ANKRD31: variants seen among roughly 807,000 people sequenced by gnomAD.
The protein encoded by ANKRD31 is ankyrin repeat domain 31, also known as ankyrin repeat domain-containing protein 31.
In ANKRD31, 147 loss-of-function variants were observed where a neutral mutation model predicts 186.0. The observed-to-expected ratio is 0.79, with a 90% confidence interval of 0.69 to 0.91. The LOEUF (loss-of-function observed/expected upper bound fraction) is 0.91, where lower values mean the gene tolerates loss of function less well. Among genes scored for constraint, ANKRD31 ranks in the 40% least tolerant of loss-of-function variants. ANKRD31 has a pLI of 0.00. For missense variants in ANKRD31, 1,986 were observed against 2,148.8 expected (o/e 0.92, Z 1.50); for synonymous variants, 673 against 736.4 (o/e 0.91, Z 1.39).
At chr5:75,231,906 A>AACACACAC (rs56755264) in intron 1 of ANKRD31, among the ~76,000 whole-genome samples, 2,239 of 144,672 alleles carry the variant, frequency 0.015, 27 homozygotes, top group Middle Eastern at 0.028. Flanking sequence ...ACTGTCTCAA[A>AACACACAC]ACACACACAC....
intron 10 of ANKRD31, among the ~76,000 whole-genome samples, chr5:75,184,214 C>T (rs1194379449): frequency 1.3e-5 from 2 of 152,040 alleles, no homozygotes; most frequent in East Asian, 1.9e-4. Context: ...AAGAATAAAA[C>T]TGGATCCTTA....
rs148920306 is a variant in ANKRD31 at position 75,131,390 on chromosome 5, G to A, written c.3876+6466C>T. On this transcript the variant is annotated intron_variant, in intron 17 of 25. Coordinates refer to ENST00000506364, the MANE Select transcript of ANKRD31 (RefSeq NM_001372053.1). The stretch of plus-strand genomic sequence containing the variant: ...CTGTGCATGGGTCAGAGGGTCCCAC[G>A]CCCACAGAGCCTCACTCACTGCTAG... Among the ~76,000 whole-genome samples, 763 of 152,278 alleles carry A rather than the reference G, an allele frequency of 5.0e-3. 18 individuals carry two copies. Among genetic ancestry groups the A allele is most frequent in the Admixed American group, 0.045 (686 of 15,300 alleles).
At position 75,225,247 on chromosome 5, in the gene ANKRD31, C is replaced by T. The variant is rs117927548; in HGVS notation, c.179-2889G>A. On this transcript the variant is annotated intron_variant, in intron 2 of 25. Transcript: ENST00000506364. ...CATATTTTGTAATAGTATTGAAAAA[C>T]ATTAAGTATCATTAATTCATTAAAT... 2.4e-3 allele frequency among the ~76,000 whole-genome samples: 365 copies of T among 152,168 alleles called. 8 individuals are homozygous for T. The East Asian group carries it at 0.061, about 26-fold the overall frequency.
chr5:75,110,581 C>T (rs1049456926), intron 20 of ANKRD31, among the ~76,000 whole-genome samples: 5 of 151,190 alleles, frequency 3.3e-5, no homozygotes, highest in African/African-American at 1.2e-4. Flanking sequence ...ATGGTGCATG[C>T]GCCTGTATTC....
intron 25 of ANKRD31, among the ~76,000 whole-genome samples, chr5:75,072,324 T>A (rs936129372): frequency 1.3e-5 from 2 of 151,988 alleles, no homozygotes; most frequent in African/African-American, 4.8e-5. Context: ...CAGGGGAGGC[T>A]CCTTAAGGGG....
chr5:75,166,903 G>A (rs892752862), intron 11 of ANKRD31, among the ~76,000 whole-genome samples: 3 of 152,080 alleles, frequency 2.0e-5, no homozygotes, highest in African/African-American at 4.8e-5. Flanking sequence ...TTTAAAAAAT[G>A]TATTTATTAA....
At chr5:75,160,288 T>C (rs939103880) in intron 11 of ANKRD31, among the ~76,000 whole-genome samples, 1 of 152,154 alleles carries the variant, frequency 6.6e-6, no homozygotes, top group Non-Finnish European at 1.5e-5. Context: ...AAGTCAGTTC[T>C]GATAACTTAA....
intron 17 of ANKRD31, among the ~76,000 whole-genome samples, chr5:75,133,120 C>T (rs1339182270): frequency 2.6e-5 from 4 of 152,152 alleles, no homozygotes; most frequent in Non-Finnish European, 4.4e-5. Flanking sequence ...AGCAAAATAA[C>T]CAGCTAACAC....
At chr5:75,123,284 T>C (rs1195728045) in intron 17 of ANKRD31, among the ~76,000 whole-genome samples, 1 of 151,620 alleles carries the variant, frequency 6.6e-6, no homozygotes, top group East Asian at 1.9e-4. Context: ...ATGAAAGAAA[T>C]TGCAGGGGAC....
At chr5:75,088,192 G>C (rs145061831) in intron 23 of ANKRD31, among the ~76,000 whole-genome samples, 99 of 152,214 alleles carry the variant, frequency 6.5e-4, no homozygotes, top group African/African-American at 2.2e-3. Flanking sequence ...TCCATATCTT[G>C]ATATTCCTAA....
intron 2 of ANKRD31, among the ~76,000 whole-genome samples, chr5:75,229,877 AAAAAAAAAAAC>A (rs1476887642): frequency 0.028 from 2,757 of 96,862 alleles, 163 homozygotes; most frequent in African/African-American, 0.16. Context: ...AAAAAAAAAA[AAAAAAAAAAAC>A]AAAAAAAACA....
chr5:75,109,541 G>A (rs149855095), intron 20 of ANKRD31, among the ~76,000 whole-genome samples: 577 of 152,198 alleles, frequency 3.8e-3, no homozygotes, highest in African/African-American at 0.013. Context: ...AGCCTAATAG[G>A]GTAAGTTCCT....
chr5:75,149,371 A>G (rs951147236), intron 12 of ANKRD31, among the ~76,000 whole-genome samples: 2 of 151,966 alleles, frequency 1.3e-5, no homozygotes, highest in South Asian at 2.1e-4. Context: ...TATAAGCTAG[A>G]AATGTAAAAT....
intron 5 of ANKRD31, among the ~76,000 whole-genome samples, chr5:75,203,616 T>C (rs1255464879): frequency 8.8e-5 from 13 of 148,110 alleles, no homozygotes; most frequent in Non-Finnish European, 1.3e-4. Flanking sequence ...TGAGCAGAGA[T>C]TGCGCCACTG....
intron 22 of ANKRD31, among the ~76,000 whole-genome samples, chr5:75,102,308 G>C (rs1336343516): frequency 6.6e-6 from 1 of 152,182 alleles, no homozygotes; most frequent in African/African-American, 2.4e-5. Flanking sequence ...CGTCTCAGAG[G>C]GGCGCCCAGC....
intron 17 of ANKRD31, among the ~76,000 whole-genome samples, chr5:75,121,833 A>C (rs961048285): frequency 6.6e-6 from 1 of 152,168 alleles, no homozygotes; most frequent in African/African-American, 2.4e-5. Context: ...GGTTTATAGC[A>C]TCAAATGCCT....
At chr5:75,180,519 C>T (rs1414980177) in intron 10 of ANKRD31, among the ~76,000 whole-genome samples, 3 of 152,152 alleles carry the variant, frequency 2.0e-5, no homozygotes, top group East Asian at 1.9e-4. Flanking sequence ...CAGCATGGTA[C>T]TGGTACCAAA....
chr5:75,103,240 A>G lies in ANKRD31; in HGVS notation c.5331+988T>C, dbSNP rs559119081. Among the ~76,000 whole-genome samples, 42 of 152,336 alleles carry G rather than the reference A, an allele frequency of 2.8e-4. No individual in the cohort carries two copies. The South Asian group carries it at 6.4e-3, about 23-fold the overall frequency. On this transcript the variant is annotated intron_variant, in intron 22 of 25. Coordinates refer to ENST00000506364, the MANE Select transcript of ANKRD31 (RefSeq NM_001372053.1). ...AGGCATTCATATGGCCAACAAAGAT[A>G]TGAAAAAAAGCTCAACATCACTGAT...
chr5:75,082,650 C>A (rs1294458745), intron 24 of ANKRD31, among the ~76,000 whole-genome samples: 1 of 151,976 alleles, frequency 6.6e-6, no homozygotes, highest in African/African-American at 2.4e-5. Flanking sequence ...TATTTTAATG[C>A]TTATTTTTAG....
Sources: gnomAD v4.1 joint callset for allele counts (sites outside exome capture counted in the v4.1 genomes callset) on GRCh38, gnomAD v4.1.1 for gene constraint, MANE v1.5 for transcripts, NCBI Gene and HGNC (gene_info 2026-07-23, HGNC 2026-07-21) for gene names.